KIF18B: variants seen among roughly 807,000 people sequenced by gnomAD.
KIF18B encodes the protein kinesin family member 18B.
In KIF18B, 49 loss-of-function variants were observed where a neutral mutation model predicts 80.9. The observed-to-expected ratio is 0.61, with a 90% CI of 0.48 to 0.77. The LOEUF (loss-of-function observed/expected upper bound fraction) is 0.77, where lower values mean the gene tolerates loss of function less well. KIF18B is among the 30% of genes least tolerant of loss of function. The probability of loss-of-function intolerance (pLI) is 0.00; values close to 1 mark genes in which losing one functional copy is unlikely to be tolerated. For missense variants in KIF18B, 994 were observed against 1,127.7 expected (o/e 0.88, Z 1.70); for synonymous variants, 439 against 463.9 (o/e 0.95, Z 0.69).
At chr17:44,926,855 C>T (rs1390252714) in intron 14 of KIF18B, 134 bp downstream of exon 14, 2 of 763,626 alleles carry the variant, frequency 2.6e-6, no homozygotes, top group South Asian at 1.6e-5. Flanking sequence ...GCGGGCCCTG[C>T]TCACAGGACC....
chr17:44,935,973 C>T lies in KIF18B; in HGVS notation c.313+59G>A, dbSNP rs2052279001. ...CACATGCCAGAAGACACATGAAACC[C>T]TTCCCTTAGGAGGAGGCAGGGAGGC... On this transcript the variant is annotated intron_variant, in intron 2 of 15. Coordinates refer to ENST00000593135, the MANE Select transcript of KIF18B (RefSeq NM_001265577.2). The T allele has an allele frequency of 3.3e-6, 5 of 1,516,148 alleles. No individual in the cohort carries two copies. In the East Asian group the frequency reaches 6.8e-5, roughly 21 times the overall value. The allele number at this position is 1,516,148 out of a possible 1,614,324, so 93.9% of individuals were successfully genotyped here.
chr17:44,936,592 C>CTATATATATATATATA (rs1567795991), intron 1 of KIF18B, among the ~76,000 whole-genome samples: 1 of 53,122 alleles, frequency 1.9e-5, no homozygotes, highest in Non-Finnish European at 3.6e-5. Flanking sequence ...CTCTCTCTCT[C>CTATATATATATATATA]TCTCTCTATA....
intron 11 of KIF18B, among the ~76,000 whole-genome samples, chr17:44,930,683 A>C (rs1262651298): frequency 6.6e-6 from 1 of 152,182 alleles, no homozygotes; most frequent in Non-Finnish European, 1.5e-5. Context: ...GGAGACCACA[A>C]AGCCAGGGCA....
At chr17:44,938,731 A>G (rs1041617350) in intron 1 of KIF18B, among the ~76,000 whole-genome samples, 2 of 152,232 alleles carry the variant, frequency 1.3e-5, no homozygotes, top group Non-Finnish European at 2.9e-5. Context: ...CAAATTTAAC[A>G]TAACTAAAGT....
Position 44,934,201 on chromosome 17 carries a change from C to A in KIF18B, c.885+32G>T. The A allele has an allele frequency of 6.3e-7, 1 of 1,598,346 alleles. No homozygotes were observed. The highest frequency in any genetic ancestry group is 8.5e-7 in the Non-Finnish European group (1 of 1,171,410). On this transcript the variant is annotated intron_variant, in intron 6 of 15. Coordinates refer to ENST00000593135, the MANE Select transcript of KIF18B (RefSeq NM_001265577.2). The surrounding 1 kb of genome is among the most constrained non-coding windows in gnomAD (Gnocchi z 5.4). ...CTGGGTTCAGGTGCTCAGTTGCTAT[C>A]CTGGGGAGAATACTGGCCTGTGCTG...
Position 44,936,000 on chromosome 17 carries a change from A to G in KIF18B, c.313+32T>C, listed in dbSNP as rs371439871. ...TCCCTTAGGAGGAGGCAGGGAGGCC[A>G]GGCCACTGCCAGGCAGGGCTGAGGT... is the stretch of plus-strand genomic sequence containing the variant. On this transcript the variant is annotated intron_variant, in intron 2 of 15. Transcript: ENST00000593135. 5.2e-5 allele frequency: 83 copies of G among 1,586,458 alleles called. No homozygotes were observed. In the African/African-American group the frequency reaches 9.8e-4, roughly 19 times the overall value.
chr17:44,938,597 A>AT (rs1314407637), intron 1 of KIF18B, among the ~76,000 whole-genome samples: 4 of 151,750 alleles, frequency 2.6e-5, no homozygotes, highest in Admixed American at 6.6e-5. Context: ...TGGAGATGGA[A>AT]TTTTTTTTGT....
chr17:44,935,670 C>G (rs2052273106), intron 2 of KIF18B, among the ~76,000 whole-genome samples: 1 of 152,306 alleles, frequency 6.6e-6, no homozygotes, highest in Middle Eastern at 3.4e-3. Flanking sequence ...GTAGGTGAGG[C>G]AGCTTTTGGT....
chr17:44,946,905 A>T (rs1424465238), intron 1 of KIF18B, among the ~76,000 whole-genome samples: 1 of 151,938 alleles, frequency 6.6e-6, no homozygotes, highest in Non-Finnish European at 1.5e-5. Flanking sequence ...GGATCGCCTG[A>T]GTCAGAAGTT....
chr17:44,935,170 AC>A (rs1216323444), intron 3 of KIF18B, 88 bp downstream of exon 3: 1 of 1,372,080 alleles, frequency 7.3e-7, no homozygotes, highest in East Asian at 2.5e-5. Flanking sequence ...ATTTCCTGCC[AC>A]CCTGTCCCAC....
At chr17:44,938,170 T>C (rs928073344) in intron 1 of KIF18B, among the ~76,000 whole-genome samples, 5 of 152,066 alleles carry the variant, frequency 3.3e-5, no homozygotes, top group African/African-American at 4.8e-5. Context: ...TGCCCGCCGG[T>C]GCGCCCAGCT....
Position 44,929,074 on chromosome 17 carries a change from C to T in KIF18B, c.1518-50G>A, listed in dbSNP as rs765329332. 5.9e-6 allele frequency: 9 copies of T among 1,534,482 alleles called. No homozygotes were observed. In the African/African-American group the frequency reaches 1.1e-4, roughly 19 times the overall value. On this transcript the variant is annotated intron_variant, in intron 11 of 15. Transcript: ENST00000593135. ...CAGCCCTGCTCAGACTCAGCCTGAC[C>T]AGGAGCCTCTATGCCATGCACCTGT...
At chr17:44,935,548 A>C in intron 2 of KIF18B, 132 bp from the exon 3 acceptor site, 3 of 916,642 alleles carry the variant, frequency 3.3e-6, no homozygotes, top group Non-Finnish European at 4.8e-6. Context: ...CACACCCTCC[A>C]TGTTCCCGCT....
rs755614679 is a variant in KIF18B, at chr17:44,928,852, C to T, written c.1690G>A (p.Ala564Thr). 124 of 1,613,492 alleles carry T rather than the reference C, an allele frequency of 7.7e-5. No homozygotes were observed. Among genetic ancestry groups the T allele is most frequent in the Non-Finnish European group, 1.0e-4 (123 of 1,179,720 alleles). Residue 564 changes from alanine to threonine, a missense_variant, in exon 12 of 16, where the codon GCA (alanine) becomes ACA (threonine). Transcript: ENST00000593135. Reference protein sequence around the residue: ...ALRTSGLARGAPLAQELCSES... With the variant: ...ALRTSGLARGTPLAQELCSES... ...GAACACAGCTCCTGAGCCAGAGGTG[C>T]CCCCCTGGCCAGGCCTGAAGTCCTC...
chr17:44,934,010 G>A lies in KIF18B; in HGVS notation c.975C>T (p.Ile325=). 5.0e-6 allele frequency: 8 copies of A among 1,610,368 alleles called. No individual in the cohort carries two copies. The highest frequency in any genetic ancestry group is 5.9e-6 in the Non-Finnish European group (7 of 1,178,474). ...SLGGNCRTVM[I]AAISPSSLTY... is the part of the protein sequence containing the mutation. The stretch of plus-strand genomic sequence containing the variant: ...TCAGGCTGGAGGGGCTGATGGCAGC[G>A]ATCATCACTGTGCGGCAGTTGCCCC... Residue 325 remains isoleucine, a synonymous_variant, in exon 7 of 16, where the codon ATC becomes ATT. Transcript: ENST00000593135. The surrounding 1 kb of genome is among the most constrained non-coding windows in gnomAD (Gnocchi z 5.4).
chr17:44,936,243 G>A lies in KIF18B; in HGVS notation c.102C>T (p.Asp34=), dbSNP rs371971265. Residue 34 remains aspartate (D), a synonymous_variant, in exon 2 of 16, where the codon GAC becomes GAT. Coordinates refer to ENST00000593135, the MANE Select transcript of KIF18B (RefSeq NM_001265577.2). The part of the protein sequence containing the change: ...SQRRPVVQVV[D]ERVLVFNPEE... Reference sequence around the variant, plus strand: ...CAGGGTTAAACACCAGCACCCGCTCGTCCACCACCTGAACCACTGGCCGCC... The same window carrying A: ...CAGGGTTAAACACCAGCACCCGCTCATCCACCACCTGAACCACTGGCCGCC... The A allele has an allele frequency of 1.9e-5, 31 of 1,610,316 alleles. No homozygotes were observed. In the African/African-American group the frequency reaches 2.0e-4, roughly 10 times the overall value.
chr17:44,929,079 G>A (rs530442363), intron 11 of KIF18B, 55 bp from the exon 12 acceptor site: 1 of 1,474,504 alleles, frequency 6.8e-7, no homozygotes, highest in Non-Finnish European at 9.5e-7. Flanking sequence ...CTGACCAGGA[G>A]CCTCTATGCC....
rs556337933 is a variant in KIF18B at position 44,936,286 on chromosome 17, C to T, written c.59G>A (p.Arg20Gln). The change falls in exon 2 of 16, where the codon CGG becomes CAG. Residue 20 changes from arginine (R) to glutamine (Q), a missense_variant. Physicochemically the swap from Arg to Gln is conservative, Grantham distance 43 (BLOSUM62 1). Transcript: ENST00000593135. ...TGGCCGCCGCTGACTGTCCAGCTCC[C>T]GAGGGGTGGGGGGCCGCACCCGTAC... The part of the protein sequence containing the change: ...VVVRVRPPTP[R>Q]ELDSQRRPVV... The T allele has an allele frequency of 2.5e-5, 41 of 1,610,778 alleles. No individual in the cohort carries two copies. In the East Asian group the frequency reaches 3.1e-4, roughly 12 times the overall value.
chr17:44,935,222 G>A (rs1335531527), intron 3 of KIF18B, 37 bp downstream of exon 3: 1 of 1,549,598 alleles, frequency 6.5e-7, no homozygotes, highest in South Asian at 1.2e-5. Flanking sequence ...CCCCCCGGGT[G>A]GTTGTGAGAA....
Sources: allele counts gnomAD v4.1 joint callset (sites outside exome capture counted in the v4.1 genomes callset), GRCh38; gene constraint gnomAD v4.1.1; non-coding constraint Gnocchi (gnomAD v3.1); transcripts MANE v1.5; gene names NCBI Gene and HGNC (gene_info 2026-07-23, HGNC 2026-07-21).